The following PPP2R2C variants were observed in gnomAD, a reference collection of about 807,000 sequenced individuals.
PPP2R2C encodes the protein protein phosphatase 2 regulatory subunit Bgamma, also known as protein phosphatase 2, regulatory subunit B, gamma.
In PPP2R2C, 10 loss-of-function variants were observed where a neutral mutation model predicts 45.3. The observed-to-expected ratio is 0.22, with a 90% CI of 0.14 to 0.37. The LOEUF (loss-of-function observed/expected upper bound fraction) is 0.37, where lower values mean the gene tolerates loss of function less well. Ranked by LOEUF, PPP2R2C falls within the 10% of genes least tolerant of loss-of-function variation. The probability of loss-of-function intolerance (pLI) is 1.00; values close to 1 mark genes in which losing one functional copy is unlikely to be tolerated. For missense variants in PPP2R2C, 308 were observed against 619.7 expected (o/e 0.50, Z 5.34); for synonymous variants, 257 against 245.4 (o/e 1.05, Z -0.44).
chr4:6,452,395 C>A (rs1384750809), intron 1 of PPP2R2C, among the ~76,000 whole-genome samples: 1 of 152,178 alleles, frequency 6.6e-6, no homozygotes, highest in Non-Finnish European at 1.5e-5. Flanking sequence ...GGCTCACTGT[C>A]CTAGGTCTTT....
chr4:6,382,788 G>T, intron 1 of PPP2R2C: 1 of 871,864 alleles, frequency 1.1e-6, no homozygotes, highest in Non-Finnish European at 1.5e-6. Flanking sequence ...CCTCTCACTG[G>T]ATGACTGCCA....
At chr4:6,388,828 T>C (rs1232491832) in intron 1 of PPP2R2C, among the ~76,000 whole-genome samples, 2 of 151,430 alleles carry the variant, frequency 1.3e-5, no homozygotes, top group Admixed American at 1.3e-4. Flanking sequence ...CCTCCAGAAC[T>C]GTGAGAGAAC....
At chr4:6,478,401 C>T (rs1722237405) in intron 2 of PPP2R2C, among the ~76,000 whole-genome samples, 1 of 152,236 alleles carries the variant, frequency 6.6e-6, no homozygotes, top group African/African-American at 2.4e-5. Flanking sequence ...CTTCTGAGTG[C>T]AGCTTCAGTG....
intron 1 of PPP2R2C, among the ~76,000 whole-genome samples, chr4:6,547,144 G>C (rs1341505197): frequency 6.6e-6 from 1 of 152,130 alleles, no homozygotes. Context: ...TCAAGATTTT[G>C]CCACACTTGC....
chr4:6,432,497 T>C (rs1472723695), intron 1 of PPP2R2C, among the ~76,000 whole-genome samples: 2 of 152,190 alleles, frequency 1.3e-5, no homozygotes, highest in African/African-American at 2.4e-5. Context: ...CAACCTGGAA[T>C]TCCCTGAACA....
At chr4:6,374,510 G>C (rs1194762768) in intron 4 of PPP2R2C, among the ~76,000 whole-genome samples, 1 of 152,164 alleles carries the variant, frequency 6.6e-6, no homozygotes, top group African/African-American at 2.4e-5. Flanking sequence ...AAGGCAAGAG[G>C]GGACACAGGA....
At chr4:6,459,748 C>T (rs1455074492) in intron 1 of PPP2R2C, among the ~76,000 whole-genome samples, 1 of 152,112 alleles carries the variant, frequency 6.6e-6, no homozygotes, top group Non-Finnish European at 1.5e-5. Flanking sequence ...GATCACGACA[C>T]TGCACTCCAG....
intron 5 of PPP2R2C, chr4:6,349,713 C>A (rs1044655890): frequency 1.4e-6 from 1 of 708,270 alleles, no homozygotes; most frequent in Non-Finnish European, 1.7e-6. Flanking sequence ...ACAAGCCTGA[C>A]CAACATTGCA....
At position 6,333,718 on chromosome 4, in the gene PPP2R2C, A is replaced by C; in HGVS notation, c.804T>G (p.Pro268=). 1.2e-6 allele frequency: 2 copies of C among 1,614,106 alleles called. No homozygotes were observed. The highest frequency in any genetic ancestry group is 1.7e-6 in the Non-Finnish European group (2 of 1,179,990). Residue 268 remains proline, a synonymous_variant, in exon 7 of 9, where the codon CCT becomes CCG. Coordinates refer to ENST00000382599, the MANE Select transcript of PPP2R2C (RefSeq NM_020416.4). ...AGAATGAGCGGTTACTGGGGTCCTC[A>C]GGCTCTTCAAAGACTGTGGAGACAG... ...CDKHSKLFEE[P]EDPSNRSFFS... is the part of the protein sequence containing the mutation.
intron 1 of PPP2R2C, among the ~76,000 whole-genome samples, chr4:6,452,275 C>T (rs1720776840): frequency 1.3e-5 from 2 of 152,168 alleles, no homozygotes; most frequent in Non-Finnish European, 2.9e-5. Flanking sequence ...AGCTCCAGAT[C>T]CTGTGAACAT....
chr4:6,341,338 C>CA (rs10604483), intron 6 of PPP2R2C, among the ~76,000 whole-genome samples: 1,927 of 90,780 alleles, frequency 0.021, 14 homozygotes, highest in South Asian at 0.043. Flanking sequence ...GACTCCATTT[C>CA]AAAAAAAAAA....
intron 1 of PPP2R2C, among the ~76,000 whole-genome samples, chr4:6,455,855 G>T (rs1179577170): frequency 6.6e-6 from 1 of 152,016 alleles, no homozygotes. Flanking sequence ...CTACTGCTGT[G>T]GACCACCAAC....
chr4:6,388,326 C>T (rs1330377300), intron 1 of PPP2R2C, among the ~76,000 whole-genome samples: 1 of 152,202 alleles, frequency 6.6e-6, no homozygotes, highest in Non-Finnish European at 1.5e-5. Context: ...TAACAGGTCC[C>T]TGCACGCCAG....
intron 1 of PPP2R2C, among the ~76,000 whole-genome samples, chr4:6,460,039 C>A (rs1389849967): frequency 6.6e-6 from 1 of 152,142 alleles, no homozygotes; most frequent in African/African-American, 2.4e-5. Flanking sequence ...TGCTCATGAT[C>A]CTAAACCAAC....
rs34145628 is a variant in PPP2R2C, at chr4:6,457,207, C to CAAAA, written c.70+14949_70+14952dup. Among the ~76,000 whole-genome samples the CAAAA allele has an allele frequency of 1.4e-4, 12 of 88,804 alleles. 1 individual carries two copies. Among genetic ancestry groups the CAAAA allele is most frequent in the Admixed American group, 1.4e-4 (1 of 7,182 alleles). The allele number at this position is 88,804 out of a possible 152,430, so 58.3% of individuals were successfully genotyped here. A position where few individuals can be genotyped will look rare whatever the true frequency, so the allele number is the denominator to read the frequency against. ...TGGGCGACAGAGCGAGACTCCATCT[C>CAAAA]AAAAAAAAAAAAAAAAAAAATAGAG... On this transcript the variant is annotated intron_variant, in intron 1 of 8. Transcript: ENST00000382599.
At chr4:6,422,506 G>A (rs1187840272) in intron 1 of PPP2R2C, among the ~76,000 whole-genome samples, 1 of 152,236 alleles carries the variant, frequency 6.6e-6, no homozygotes, top group Admixed American at 6.5e-5. Flanking sequence ...AAGTGCCCCA[G>A]ACTGTGCCAC....
rs931951908 is a variant in PPP2R2C, at chr4:6,378,728, G to A, written c.169-156C>T. On this transcript the variant is annotated intron_variant, in intron 2 of 8. Coordinates refer to ENST00000382599, the MANE Select transcript of PPP2R2C (RefSeq NM_020416.4). This position sits in a 1 kb window ranked among gnomAD's most constrained non-coding sequence, Gnocchi z 5.2. ...AAATGAAACTCTCTGCAGCTTAACCGGCCCATGACTTGCAGTGTGCCAGGG... is the reference window on the plus strand; with the variant it reads ...AAATGAAACTCTCTGCAGCTTAACCAGCCCATGACTTGCAGTGTGCCAGGG... Among the ~76,000 whole-genome samples, 8 of 152,064 alleles carry A rather than the reference G, an allele frequency of 5.3e-5. No homozygotes were observed. The highest frequency in any genetic ancestry group is 7.3e-5 in the Non-Finnish European group (5 of 68,028).
chr4:6,555,287 A>G (rs1174159291), intron 1 of PPP2R2C, among the ~76,000 whole-genome samples: 2 of 152,236 alleles, frequency 1.3e-5, no homozygotes, highest in Non-Finnish European at 2.9e-5. Flanking sequence ...ACCACCACAC[A>G]GCCCCAACAC....
In PPP2R2C at chr4:6,329,247, G is replaced by A; in HGVS notation, c.1052+15C>T. 2.5e-6 allele frequency: 4 copies of A among 1,611,156 alleles called. No homozygotes were observed. Among genetic ancestry groups the A allele is most frequent in the Middle Eastern group, 1.7e-4 (1 of 5,874 alleles). On this transcript the variant is annotated intron_variant, in intron 8 of 8. Coordinates refer to ENST00000382599, the MANE Select transcript of PPP2R2C (RefSeq NM_020416.4). This position sits in a 1 kb window ranked among gnomAD's most constrained non-coding sequence, Gnocchi z 5.8. ...CCTACGGTGAGGTGAGGTGCGGGCT[G>A]AGGTCAGGGCTTACCTGTCGCTCCC...
Sources: allele counts gnomAD v4.1 joint callset (sites outside exome capture counted in the v4.1 genomes callset), GRCh38; gene constraint gnomAD v4.1.1; non-coding constraint Gnocchi (gnomAD v3.1); transcripts MANE v1.5; gene names NCBI Gene and HGNC (gene_info 2026-07-23, HGNC 2026-07-21).